The following ANKRD27 variants were observed in gnomAD, a reference collection of about 807,000 sequenced individuals.
ANKRD27 encodes ankyrin repeat domain-containing protein 27.
In ANKRD27, 112 loss-of-function variants were observed where a neutral mutation model predicts 129.7. The ratio of observed to expected loss-of-function variants is 0.86; its 90% CI spans 0.74 to 1.01. The LOEUF (loss-of-function observed/expected upper bound fraction) is 1.01, where lower values mean the gene tolerates loss of function less well. Among genes scored for constraint, ANKRD27 ranks in the 50% least tolerant of loss-of-function variants. The probability of loss-of-function intolerance (pLI) is 0.00; values close to 1 mark genes in which losing one functional copy is unlikely to be tolerated. For synonymous variants in ANKRD27, 516 were observed against 511.2 expected (o/e 1.01, Z -0.13); for missense variants, 1,258 against 1,300.5 (o/e 0.97, Z 0.50).
rs538513537 is a variant in ANKRD27 at position 32,631,570 on chromosome 19, C to T, written c.1117-76G>A. The T allele has an allele frequency of 2.8e-5, 33 of 1,182,706 alleles. No individual in the cohort carries two copies. The East Asian group carries it at 5.2e-4, about 19-fold the overall frequency. 73.3% of individuals were successfully genotyped at this position (1,182,706 alleles called of 1,614,324 possible). ...AAACCCAGCACCTCAGCAACAACCC[C>T]GGCTGTCTCTTCAGAGCAGTATCGG... On this transcript the variant is annotated intron_variant, in intron 12 of 28. Coordinates refer to ENST00000306065, the MANE Select transcript of ANKRD27 (RefSeq NM_032139.3).
intron 13 of ANKRD27, among the ~76,000 whole-genome samples, chr19:32,630,487 C>T (rs905911020): frequency 1.3e-5 from 2 of 152,226 alleles, no homozygotes; most frequent in African/African-American, 2.4e-5. Context: ...TCGAGCCCAG[C>T]GGAGGCATCA....
intron 22 of ANKRD27, among the ~76,000 whole-genome samples, chr19:32,612,150 G>GTGTA (rs1191902223): frequency 1.3e-5 from 2 of 151,934 alleles, no homozygotes; most frequent in East Asian, 3.9e-4. Context: ...AAATACTGAG[G>GTGTA]TGTACACTTA....
At chr19:32,617,212 G>C (rs1971933483) in intron 21 of ANKRD27, among the ~76,000 whole-genome samples, 1 of 152,158 alleles carries the variant, frequency 6.6e-6, no homozygotes, top group African/African-American at 2.4e-5. Flanking sequence ...ACACAGGTGG[G>C]TGGCTGTTTT....
intron 2 of ANKRD27, among the ~76,000 whole-genome samples, chr19:32,655,997 A>C (rs1481531815): frequency 6.6e-6 from 1 of 151,220 alleles, no homozygotes; most frequent in East Asian, 1.9e-4. Context: ...CAGCCTGGGC[A>C]ACACAGTGAG....
At position 32,641,659 on chromosome 19, in the gene ANKRD27, G is replaced by A. The variant is rs181831136; in HGVS notation, c.904+365C>T. On this transcript the variant is annotated intron_variant, in intron 10 of 28. Transcript: ENST00000306065. ...GCTGTTGGCTGGAAGTCTACCATAT[G>A]CATTCCTGTTTATTTCATTCCATAC... Among the ~76,000 whole-genome samples the A allele has an allele frequency of 1.5e-4, 23 of 151,736 alleles. No individual in the cohort carries two copies. The South Asian group carries it at 2.5e-3, about 16-fold the overall frequency.
chr19:32,662,456 G>T (rs1412696187), intron 1 of ANKRD27, among the ~76,000 whole-genome samples: 1 of 152,088 alleles, frequency 6.6e-6, no homozygotes, highest in Non-Finnish European at 1.5e-5. Flanking sequence ...TCTTACAGGG[G>T]CTGGGCACAA....
intron 1 of ANKRD27, among the ~76,000 whole-genome samples, chr19:32,662,585 T>C (rs1385000249): frequency 1.3e-5 from 2 of 151,628 alleles, no homozygotes; most frequent in African/African-American, 2.4e-5. Context: ...AATAATAAAA[T>C]ACAAAAATTA....
intron 1 of ANKRD27, among the ~76,000 whole-genome samples, chr19:32,660,549 G>C (rs1392025793): frequency 1.3e-5 from 2 of 151,878 alleles, no homozygotes; most frequent in Non-Finnish European, 2.9e-5. Flanking sequence ...GCCTGGGAGA[G>C]CTCCTTTGCT....
Position 32,616,548 on chromosome 19 carries a change from C to CAAAA in ANKRD27, c.2053-772_2053-769dup, listed in dbSNP as rs5827811. On this transcript the variant is annotated intron_variant, in intron 21 of 28. Transcript: ENST00000306065. ...TGGATGACAGCGCAAGACTCCGTCT[C>CAAAA]AAAAAAAAAAAAAAAAAAAAGTGGA... 1.1e-4 allele frequency among the ~76,000 whole-genome samples: 10 copies of CAAAA among 93,068 alleles called. 1 individual carries two copies. The highest frequency in any genetic ancestry group is 1.3e-4 in the Admixed American group (1 of 7,682). The allele number at this position is 93,068 out of a possible 152,430, so 61.1% of individuals were successfully genotyped here.
chr19:32,615,952 C>T (rs527431152), intron 21 of ANKRD27, among the ~76,000 whole-genome samples, 172 bp from the exon 22 acceptor site: 7 of 152,318 alleles, frequency 4.6e-5, no homozygotes, highest in African/African-American at 1.7e-4. Context: ...TCAGTCCTTC[C>T]ACTTCACAGC....
intron 1 of ANKRD27, chr19:32,666,302 A>G (rs1208178589): frequency 6.6e-6 from 1 of 152,250 alleles, no homozygotes; most frequent in Admixed American, 6.5e-5. Flanking sequence ...CGCTGTACAG[A>G]TAAAATAAGA....
intron 11 of ANKRD27, 109 bp downstream of exon 11, chr19:32,640,198 C>T (rs1341534195): frequency 1.8e-5 from 13 of 737,364 alleles, no homozygotes; most frequent in East Asian, 1.3e-4. Context: ...CTCCTGACCT[C>T]GTGATCCGCC....
rs757156046 is a variant in ANKRD27 at position 32,626,848 on chromosome 19, A to G, written c.1421-21T>C. The G allele has an allele frequency of 9.5e-6, 15 of 1,573,554 alleles. No individual in the cohort carries two copies. The Admixed American group carries it at 1.8e-4, about 19-fold the overall frequency. ...CTGCCCTGCAGAGCAGAAGGACGTC[A>G]CGATGGAGAAGGAAGGCGCAGAGGC... On this transcript the variant is annotated intron_variant, in intron 15 of 28. Coordinates refer to ENST00000306065, the MANE Select transcript of ANKRD27 (RefSeq NM_032139.3).
intron 3 of ANKRD27, 96 bp downstream of exon 3, chr19:32,649,586 A>G: frequency 1.2e-6 from 1 of 849,932 alleles, no homozygotes; most frequent in Non-Finnish European, 2.0e-6. Flanking sequence ...CACCATTGCC[A>G]GTAGCTGTGA....
chr19:32,610,298 G>A (rs1305750548), intron 22 of ANKRD27, among the ~76,000 whole-genome samples: 1 of 151,466 alleles, frequency 6.6e-6, no homozygotes, highest in South Asian at 2.1e-4. Flanking sequence ...GACAGAGCAA[G>A]ACCCTGTCTC....
At chr19:32,600,690 G>A (rs1971638652) in intron 26 of ANKRD27, among the ~76,000 whole-genome samples, 1 of 152,018 alleles carries the variant, frequency 6.6e-6, no homozygotes, top group Non-Finnish European at 1.5e-5. Context: ...TTGAGATAGG[G>A]GGTAGTCAGC....
At chr19:32,646,242 A>T (rs914359866) in intron 4 of ANKRD27, among the ~76,000 whole-genome samples, 1 of 150,746 alleles carries the variant, frequency 6.6e-6, no homozygotes, top group African/African-American at 2.4e-5. Context: ...TGATTTTTTT[A>T]ATTTTTTTAT....
chr19:32,639,542 C>A, intron 11 of ANKRD27, 54 bp from the exon 12 acceptor site: 1 of 1,563,662 alleles, frequency 6.4e-7, no homozygotes, highest in Admixed American at 1.9e-5. Context: ...CACACTTCTG[C>A]AAAAAAAATA....
intron 12 of ANKRD27, among the ~76,000 whole-genome samples, chr19:32,634,544 C>G (rs763516611): frequency 7.9e-5 from 12 of 152,166 alleles, no homozygotes; most frequent in Non-Finnish European, 1.3e-4. Context: ...CCCATCCAAA[C>G]TAAACACTAT....
Sources: gnomAD v4.1 joint callset for allele counts (sites outside exome capture counted in the v4.1 genomes callset) on GRCh38, gnomAD v4.1.1 for gene constraint, MANE v1.5 for transcripts, NCBI Gene and HGNC (gene_info 2026-07-23, HGNC 2026-07-21) for gene names.